The following OSBPL3 variants were observed in gnomAD, a reference collection of about 807,000 sequenced individuals.
OSBPL3 encodes oxysterol-binding protein-related protein 3.
OSBPL3 carries 65 observed loss-of-function variants against 120.1 expected under a neutral mutation model. That is an observed-to-expected ratio of 0.54 (90% confidence interval 0.44 to 0.67). The LOEUF is 0.67. Among genes scored for constraint, OSBPL3 ranks in the 30% least tolerant of loss-of-function variants. The probability of loss-of-function intolerance (pLI) is 0.00; values close to 1 mark genes in which losing one functional copy is unlikely to be tolerated. For missense variants in OSBPL3, 1,004 were observed against 1,082.1 expected, an observed-to-expected ratio of 0.93 and a Z score of 1.01; for synonymous variants, 416 against 402.6, an observed-to-expected ratio of 1.03 and a Z score of -0.40.
At position 24,845,384 on chromosome 7, in the gene OSBPL3, TAAAAAAAAAAA is replaced by T. The variant is rs34559902; in HGVS notation, c.1267-2982_1267-2972del. ...GAATTTACAAATATTGCAAAATAAG[TAAAAAAAAAAA>T]AAAAAAAAAAAAAAAAAAAGAAAAC... is the stretch of plus-strand genomic sequence containing the variant. On this transcript the variant is annotated intron_variant, in intron 12 of 22. Coordinates refer to ENST00000313367, the MANE Select transcript of OSBPL3 (RefSeq NM_015550.4). Among the ~76,000 whole-genome samples the T allele has an allele frequency of 7.1e-4, 44 of 62,258 alleles. 1 individual carries two copies. The South Asian group carries it at 0.025, about 35-fold the overall frequency. The allele number at this position is 62,258 out of a possible 152,430, so 40.8% of individuals were successfully genotyped here.
At chr7:24,825,879 C>T (rs1399601732) in intron 16 of OSBPL3, among the ~76,000 whole-genome samples, 3 of 152,194 alleles carry the variant, frequency 2.0e-5, no homozygotes, top group African/African-American at 7.2e-5. Flanking sequence ...TTAATAACTG[C>T]ACTCAGCTTT....
intron 1 of OSBPL3, among the ~76,000 whole-genome samples, chr7:24,969,236 T>C (rs1816739504): frequency 6.6e-6 from 1 of 152,234 alleles, no homozygotes; most frequent in African/African-American, 2.4e-5. Context: ...ATTTTCTCTT[T>C]TTATGAGTGA....
chr7:24,845,384 T>TTAAAA (rs1798287457), intron 12 of OSBPL3, among the ~76,000 whole-genome samples: 2 of 62,264 alleles, frequency 3.2e-5, no homozygotes, highest in Non-Finnish European at 2.8e-5. Context: ...GCAAAATAAG[T>TTAAAA]AAAAAAAAAA....
intron 14 of OSBPL3, among the ~76,000 whole-genome samples, chr7:24,838,917 A>C (rs1189297740): frequency 6.6e-6 from 1 of 152,202 alleles, no homozygotes; most frequent in Non-Finnish European, 1.5e-5. Flanking sequence ...CTTTCCACTA[A>C]GGGGTTCATC....
chr7:24,858,324 G>A (rs951499937), intron 10 of OSBPL3, among the ~76,000 whole-genome samples: 3 of 152,218 alleles, frequency 2.0e-5, no homozygotes, highest in African/African-American at 7.2e-5. Flanking sequence ...AGTCGAGAAA[G>A]TACAATAGAT....
chr7:24,952,366 T>G lies in OSBPL3; in HGVS notation c.-150+27520A>C, dbSNP rs886916635. ...GGCTCAAGTTTTGCCCAATGTCATG[T>G]AATCACTAATCATATACCGGTTATC... On this transcript the variant is annotated intron_variant, in intron 1 of 22. Coordinates refer to ENST00000313367, the MANE Select transcript of OSBPL3 (RefSeq NM_015550.4). The surrounding 1 kb of genome is among the most constrained non-coding windows in gnomAD (Gnocchi z 4.4). 6.6e-6 allele frequency among the ~76,000 whole-genome samples: 1 copy of G among 152,234 alleles called. No individual in the cohort carries two copies. The highest frequency in any genetic ancestry group is 2.4e-5 in the African/African-American group (1 of 41,456).
chr7:24,902,810 T>A (rs1807261055), intron 1 of OSBPL3, among the ~76,000 whole-genome samples: 1 of 151,860 alleles, frequency 6.6e-6, no homozygotes, highest in Non-Finnish European at 1.5e-5. Context: ...ACAGAGCACC[T>A]CCCTCTTTGT....
chr7:24,943,808 C>G (rs1813374704), intron 1 of OSBPL3, among the ~76,000 whole-genome samples: 1 of 152,144 alleles, frequency 6.6e-6, no homozygotes, highest in Non-Finnish European at 1.5e-5. Context: ...ATGTCATTAT[C>G]CAGAATAAAT....
chr7:24,812,133 C>T (rs1029181221), intron 19 of OSBPL3, among the ~76,000 whole-genome samples: 1 of 151,698 alleles, frequency 6.6e-6, no homozygotes, highest in African/African-American at 2.4e-5. Context: ...ATGGTGAAAC[C>T]CCATCTCTAC....
At chr7:24,911,029 AG>A (rs1808751511) in intron 1 of OSBPL3, among the ~76,000 whole-genome samples, 2 of 152,242 alleles carry the variant, frequency 1.3e-5, no homozygotes, top group Non-Finnish European at 1.5e-5. Flanking sequence ...ATACACAGCA[AG>A]GGTTGAGCCA....
intron 1 of OSBPL3, among the ~76,000 whole-genome samples, chr7:24,904,404 T>C (rs1270909810): frequency 6.6e-6 from 1 of 152,146 alleles, no homozygotes; most frequent in Non-Finnish European, 1.5e-5. Flanking sequence ...GCAAAAGTAT[T>C]CCAGCAATAA....
Position 24,898,637 on chromosome 7 carries a change from T to C in OSBPL3, c.-149-6016A>G, listed in dbSNP as rs751667915. On this transcript the variant is annotated intron_variant, in intron 1 of 22. Transcript: ENST00000313367. This position sits in a 1 kb window ranked among gnomAD's most constrained non-coding sequence, Gnocchi z 4.3. ...CAACAGAAATGCACCTGGTGCATAT[T>C]TGAAGCGTGCGGCTTCCATGAGACA... 2.6e-5 allele frequency among the ~76,000 whole-genome samples: 4 copies of C among 152,302 alleles called. No homozygotes were observed. The highest frequency in any genetic ancestry group is 6.5e-5 in the Admixed American group (1 of 15,304).
At chr7:24,836,472 A>G (rs1303366578) in intron 14 of OSBPL3, among the ~76,000 whole-genome samples, 2 of 152,226 alleles carry the variant, frequency 1.3e-5, no homozygotes, top group Admixed American at 1.3e-4. Flanking sequence ...TTGTTTTACA[A>G]TTCAATCCCC....
chr7:24,865,938 T>C (rs961032086), intron 6 of OSBPL3, 132 bp downstream of exon 6: 1 of 683,746 alleles, frequency 1.5e-6, no homozygotes, highest in African/African-American at 1.8e-5. Context: ...AACAGACTAA[T>C]TAAATACCAG....
chr7:24,865,545 T>A, intron 6 of OSBPL3, 80 bp from the exon 7 acceptor site: 1 of 1,404,148 alleles, frequency 7.1e-7, no homozygotes, highest in South Asian at 1.3e-5. Context: ...GATAACAGAG[T>A]GGGCTAGTCA....
At chr7:24,944,173 C>T (rs1411094228) in intron 1 of OSBPL3, among the ~76,000 whole-genome samples, 1 of 151,602 alleles carries the variant, frequency 6.6e-6, no homozygotes, top group Non-Finnish European at 1.5e-5. Context: ...CTGGATTCTT[C>T]ATATTCTAAA....
At chr7:24,948,803 G>A (rs1814041658) in intron 1 of OSBPL3, among the ~76,000 whole-genome samples, 1 of 152,168 alleles carries the variant, frequency 6.6e-6, no homozygotes, top group African/African-American at 2.4e-5. Flanking sequence ...GGTCCCTCAG[G>A]ACAAGCTCTT....
chr7:24,881,756 G>A lies in OSBPL3; in HGVS notation c.97-9687C>T, dbSNP rs1803714985. Reference sequence around the variant, plus strand: ...TATTTATTCTCTAGCCGTTCTGGAGGCCAGAGGTCCAAAATCAAAGTGTTG... The same window carrying A: ...TATTTATTCTCTAGCCGTTCTGGAGACCAGAGGTCCAAAATCAAAGTGTTG... On this transcript the variant is annotated intron_variant, in intron 2 of 22. Transcript: ENST00000313367. This position sits in a 1 kb window ranked among gnomAD's most constrained non-coding sequence, Gnocchi z 4.3. 6.6e-6 allele frequency among the ~76,000 whole-genome samples: 1 copy of A among 152,166 alleles called. No individual in the cohort carries two copies. The highest frequency in any genetic ancestry group is 2.4e-5 in the African/African-American group (1 of 41,442).
At chr7:24,828,048 G>A (rs1031053163) in intron 16 of OSBPL3, among the ~76,000 whole-genome samples, 7 of 151,226 alleles carry the variant, frequency 4.6e-5, no homozygotes, top group African/African-American at 1.7e-4. Flanking sequence ...TTTTTGAAAT[G>A]GAGTCTTGCT....
Sources: allele counts gnomAD v4.1 joint callset (sites outside exome capture counted in the v4.1 genomes callset), GRCh38; gene constraint gnomAD v4.1.1; non-coding constraint Gnocchi (gnomAD v3.1); transcripts MANE v1.5; gene names NCBI Gene and HGNC (gene_info 2026-07-23, HGNC 2026-07-21).